PCDH9: variants seen among roughly 807,000 people sequenced by gnomAD.
PCDH9 encodes protocadherin-9.
Under a neutral mutation model 70.6 loss-of-function variants are expected in PCDH9, and 24 were observed. The ratio of observed to expected loss-of-function variants is 0.34; its 90% CI spans 0.25 to 0.48. The LOEUF (loss-of-function observed/expected upper bound fraction) is 0.48, where lower values mean the gene tolerates loss of function less well. Among genes scored for constraint, PCDH9 ranks in the 20% least tolerant of loss-of-function variants. The probability of loss-of-function intolerance (pLI) is 0.99; values close to 1 mark genes in which losing one functional copy is unlikely to be tolerated. For missense variants in PCDH9, 1,281 were observed against 1,503.6 expected (o/e 0.85, Z 2.45); for synonymous variants, 562 against 558.5 (o/e 1.01, Z -0.09).
At chr13:66,986,648 T>C (rs547473005) in intron 2 of PCDH9, among the ~76,000 whole-genome samples, 3 of 152,142 alleles carry the variant, frequency 2.0e-5, no homozygotes, top group African/African-American at 4.8e-5. Flanking sequence ...ATCTTATTAA[T>C]ACTTCTATAG....
At chr13:67,150,974 A>G (rs2087644279) in intron 2 of PCDH9, among the ~76,000 whole-genome samples, 2 of 152,182 alleles carry the variant, frequency 1.3e-5, no homozygotes. Context: ...TCCACTGCCT[A>G]AGTAAACCTT....
intron 2 of PCDH9, among the ~76,000 whole-genome samples, chr13:67,123,546 C>G (rs2086916421): frequency 6.6e-6 from 1 of 152,118 alleles, no homozygotes; most frequent in African/African-American, 2.4e-5. Context: ...AGATATATGT[C>G]TTACTATAGT....
At chr13:67,083,828 T>C (rs1388547754) in intron 2 of PCDH9, among the ~76,000 whole-genome samples, 1 of 152,196 alleles carries the variant, frequency 6.6e-6, no homozygotes, top group Non-Finnish European at 1.5e-5. Flanking sequence ...CTGGGAACAC[T>C]CATTTTGAAA....
At chr13:66,870,738 A>G (rs1035010252) in intron 3 of PCDH9, among the ~76,000 whole-genome samples, 12 of 152,160 alleles carry the variant, frequency 7.9e-5, no homozygotes, top group African/African-American at 2.9e-4. Context: ...TCAGGAAACA[A>G]CAGGTGCTGG....
chr13:67,183,768 G>A (rs2088677562), intron 2 of PCDH9, among the ~76,000 whole-genome samples: 1 of 152,012 alleles, frequency 6.6e-6, no homozygotes, highest in African/African-American at 2.4e-5. Flanking sequence ...TAGAAAATAA[G>A]ATTTAACCTG....
At position 67,079,921 on chromosome 13, in the gene PCDH9, T is replaced by C. The variant is rs548181185; in HGVS notation, c.3036+145484A>G. On this transcript the variant is annotated intron_variant, in intron 2 of 4. Transcript: ENST00000377865. ...ACATTAGCTTAACTCTCCCAACCAA[T>C]TCCCAACTAAAGAATGCCTAAAACC... 2.6e-5 allele frequency among the ~76,000 whole-genome samples: 4 copies of C among 152,282 alleles called. No homozygotes were observed. In the East Asian group the frequency reaches 7.7e-4, roughly 29 times the overall value.
At chr13:66,414,159 C>T (rs1844397392) in intron 4 of PCDH9, among the ~76,000 whole-genome samples, 1 of 152,156 alleles carries the variant, frequency 6.6e-6, no homozygotes, top group African/African-American at 2.4e-5. Context: ...CATCTCTCTC[C>T]TAACACTTTA....
intron 3 of PCDH9, among the ~76,000 whole-genome samples, chr13:66,700,923 A>AATATATATATATAT (rs58852431): frequency 1.9e-4 from 11 of 58,446 alleles, no homozygotes; most frequent in Non-Finnish European, 2.9e-4. Flanking sequence ...TGTACATATA[A>AATATATATATATAT]ATATATATAT....
At chr13:66,540,897 C>T (rs912008208) in intron 4 of PCDH9, among the ~76,000 whole-genome samples, 1 of 152,116 alleles carries the variant, frequency 6.6e-6, no homozygotes, top group Non-Finnish European at 1.5e-5. Flanking sequence ...CATTGAGCAA[C>T]ACACCTTGAA....
chr13:67,228,912 C>T (rs2089947937), intron 1 of PCDH9, among the ~76,000 whole-genome samples: 1 of 152,216 alleles, frequency 6.6e-6, no homozygotes, highest in African/African-American at 2.4e-5. Flanking sequence ...CTCTAACCTA[C>T]CTCCCTCAGT....
chr13:66,697,652 C>A (rs1208342747), intron 3 of PCDH9, among the ~76,000 whole-genome samples: 1 of 152,116 alleles, frequency 6.6e-6, no homozygotes, highest in Non-Finnish European at 1.5e-5. Context: ...CTGGCTTCTA[C>A]CCACTAGATG....
intron 4 of PCDH9, among the ~76,000 whole-genome samples, chr13:66,593,263 G>A (rs1385446211): frequency 6.6e-6 from 1 of 151,706 alleles, no homozygotes. Flanking sequence ...AATTTTAATG[G>A]TGTTGAATTA....
At chr13:67,045,740 T>C (rs2085210556) in intron 2 of PCDH9, among the ~76,000 whole-genome samples, 1 of 152,132 alleles carries the variant, frequency 6.6e-6, no homozygotes. Flanking sequence ...AGTAATAACA[T>C]GTAATTGAAT....
chr13:66,699,763 T>A (rs892610372), intron 3 of PCDH9, among the ~76,000 whole-genome samples: 8 of 152,288 alleles, frequency 5.3e-5, no homozygotes, highest in African/African-American at 1.9e-4. Context: ...ACTCAGTTGG[T>A]GGTCATTTGC....
In PCDH9 at chr13:66,408,885, G is replaced by GA. The variant is rs552627054; in HGVS notation, c.3341-103858dup. Among the ~76,000 whole-genome samples, 717 of 151,878 alleles carry GA rather than the reference G, an allele frequency of 4.7e-3. 3 individuals carry two copies. The highest frequency in any genetic ancestry group is 0.014 in the Middle Eastern group (4 of 294). Reference sequence around the variant, plus strand: ...TAGCTTTTAAGATTTTTCTGGGGAGGAAAAAAAGTCTGTACTGACATATAA... The same window carrying GA: ...TAGCTTTTAAGATTTTTCTGGGGAGGAAAAAAAAGTCTGTACTGACATATAA... On this transcript the variant is annotated intron_variant, in intron 4 of 4. Coordinates refer to ENST00000377865, the MANE Select transcript of PCDH9 (RefSeq NM_203487.3).
chr13:66,555,864 C>T (rs979132192), intron 4 of PCDH9, among the ~76,000 whole-genome samples: 1 of 148,906 alleles, frequency 6.7e-6, no homozygotes, highest in Admixed American at 6.7e-5. Context: ...TCTAGATAAT[C>T]GGTACTACAG....
chr13:66,998,763 A>G (rs569280958), intron 2 of PCDH9, among the ~76,000 whole-genome samples: 175 of 152,208 alleles, frequency 1.1e-3, no homozygotes, highest in African/African-American at 4.1e-3. Context: ...TTTCTCATCA[A>G]TCTTCCACTC....
At chr13:66,343,415 G>A (rs913549622) in intron 4 of PCDH9, among the ~76,000 whole-genome samples, 16 of 152,124 alleles carry the variant, frequency 1.1e-4, no homozygotes, top group African/African-American at 2.7e-4. Context: ...TCAAACTGTC[G>A]TCCGACTTTA....
chr13:66,467,172 A>G (rs2138470309), intron 4 of PCDH9, among the ~76,000 whole-genome samples: 1 of 152,188 alleles, frequency 6.6e-6, no homozygotes, highest in Non-Finnish European at 1.5e-5. Context: ...TCACTTCACC[A>G]AGGAGGTAAT....
Sources: allele counts gnomAD v4.1 joint callset (sites outside exome capture counted in the v4.1 genomes callset), GRCh38; gene constraint gnomAD v4.1.1; transcripts MANE v1.5; gene names NCBI Gene and HGNC (gene_info 2026-07-23, HGNC 2026-07-21).